Variants in CDK10 observed in about 807,000 individuals in gnomAD.
CDK10 encodes cyclin dependent kinase 10, also known as cyclin-dependent kinase 10.
CDK10 carries 55 observed loss-of-function variants against 51.0 expected under a neutral mutation model. That is an observed-to-expected ratio of 1.08 (90% CI 0.87 to 1.35). The LOEUF is 1.35. Ranked by LOEUF, CDK10 falls within the 40% of genes most tolerant of loss-of-function variation. CDK10 has a pLI of 0.00. For synonymous variants in CDK10, 255 were observed against 199.1 expected, an observed-to-expected ratio of 1.28 and a Z score of -2.36; for missense variants, 589 against 485.1, an observed-to-expected ratio of 1.21 and a Z score of -2.01.
In CDK10 at chr16:89,694,047, C is replaced by T. The variant is rs2060578508; in HGVS notation, c.609-126C>T. The T allele has an allele frequency of 1.4e-5, 12 of 881,458 alleles. No homozygotes were observed. The East Asian group carries it at 3.1e-4, about 22-fold the overall frequency. The allele number at this position is 881,458 out of a possible 1,614,324, so 54.6% of individuals were successfully genotyped here. A position where few individuals can be genotyped will look rare whatever the true frequency, so the allele number is the denominator to read the frequency against. On this transcript the variant is annotated intron_variant, in intron 8 of 12. Coordinates refer to ENST00000353379, the MANE Select transcript of CDK10 (RefSeq NM_052988.5). ...CCACCTGGATCTGCAGGGCCTGGGGCAGAGGGTGGTCCGAGTTGGGACAGG... is the reference window on the plus strand; with the variant it reads ...CCACCTGGATCTGCAGGGCCTGGGGTAGAGGGTGGTCCGAGTTGGGACAGG...
At chr16:89,691,647 G>T in intron 4 of CDK10, 102 bp downstream of exon 4, 1 of 1,242,974 alleles carries the variant, frequency 8.0e-7, no homozygotes, top group Non-Finnish European at 1.2e-6. Context: ...GCATGAGGTT[G>T]TCAGAGAAGA....
chr16:89,694,357 C>T, intron 9 of CDK10, 125 bp downstream of exon 9: 1 of 1,062,992 alleles, frequency 9.4e-7, no homozygotes, highest in Non-Finnish European at 1.4e-6. Context: ...GCCAGCCTCC[C>T]ACTCCCAGGG....
chr16:89,689,243 C>T lies in CDK10; in HGVS notation c.88-9C>T. 3 of 1,613,982 alleles carry T rather than the reference C, an allele frequency of 1.9e-6. No homozygotes were observed. Among genetic ancestry groups the T allele is most frequent in the Non-Finnish European group, 2.5e-6 (3 of 1,179,872 alleles). ...AAATTTCCACACTGGCAACACCCTT[C>T]TGTTTCAGCTGGGACGATGCCGGAG... On this transcript the variant is annotated splice_polypyrimidine_tract_variant and intron_variant, in intron 1 of 12. Transcript: ENST00000353379.
chr16:89,695,840 G>C lies in CDK10; in HGVS notation c.*148G>C, dbSNP rs932580601. 28 of 1,522,494 alleles carry C rather than the reference G, an allele frequency of 1.8e-5. No individual in the cohort carries two copies. Among genetic ancestry groups the C allele is most frequent in the African/African-American group, 2.7e-5 (2 of 72,836 alleles). The allele number at this position is 1,522,494 out of a possible 1,614,324, so 94.3% of individuals were successfully genotyped here. ...CATCCTCCACTGACTTCCTCCCACT[G>C]TCTGCCCTGAACCCACTGCTGCCCC... On this transcript the variant is annotated 3_prime_UTR_variant, in exon 13 of 13. Transcript: ENST00000353379.
In CDK10 at chr16:89,695,044, C is replaced by A. The variant is rs751239290; in HGVS notation, c.906C>A (p.Phe302Leu). The A allele has an allele frequency of 1.2e-6, 2 of 1,613,172 alleles. No homozygotes were observed. The highest frequency in any genetic ancestry group is 2.2e-5 in the South Asian group (2 of 91,068). ...AGGCCGGGCTGCGCCTGCTGCACTT[C>A]CTGTTCATGTACGACCCTAAGAAAA... ...LSEAGLRLLH[F>L]LFMYDPKKRA... is the part of the protein sequence containing the mutation. The change falls in exon 11 of 13, where the codon TTC becomes TTA. Residue 302 changes from phenylalanine (F) to leucine (L), a missense_variant. Coordinates refer to ENST00000353379, the MANE Select transcript of CDK10 (RefSeq NM_052988.5).
chr16:89,689,567 A>C (rs564341471), intron 2 of CDK10: 1 of 495,590 alleles, frequency 2.0e-6, no homozygotes, highest in South Asian at 2.5e-5. Context: ...ACTGCAGAGT[A>C]CACAGAACTG....
At chr16:89,694,001 C>G in intron 8 of CDK10, 172 bp from the exon 9 acceptor site, 1 of 665,780 alleles carries the variant, frequency 1.5e-6, no homozygotes. Flanking sequence ...CTCTCGCCCC[C>G]GGCAACCATT....
chr16:89,691,742 G>C (rs2060459398), intron 4 of CDK10, 64 bp from the exon 5 acceptor site: 1 of 1,492,544 alleles, frequency 6.7e-7, no homozygotes, highest in African/African-American at 1.4e-5. Context: ...TGCAGCAGGG[G>C]AGGCTCCACT....
Position 89,695,086 on chromosome 16 carries a change from CG to C in CDK10, c.932+22del, listed in dbSNP as rs531781901. On this transcript the variant is annotated intron_variant, in intron 11 of 12. Transcript: ENST00000353379. Reference sequence around the variant, plus strand: ...CTAAGAAAAGGTGCTGATCTCTGCACGGGGGGCAGGGACCCTCACCACCCAC... The same window carrying C: ...CTAAGAAAAGGTGCTGATCTCTGCACGGGGGCAGGGACCCTCACCACCCAC... 1 of 1,607,456 alleles carries C rather than the reference CG, an allele frequency of 6.2e-7. No individual in the cohort carries two copies. The highest frequency in any genetic ancestry group is 2.2e-5 in the East Asian group (1 of 44,828).
chr16:89,695,012 C>G lies in CDK10; in HGVS notation c.874C>G (p.Leu292Val). 1 of 1,613,386 alleles carries G rather than the reference C, an allele frequency of 6.2e-7. No homozygotes were observed. The highest frequency in any genetic ancestry group is 1.1e-5 in the South Asian group (1 of 91,092). ...YNNLKHKFPW[L>V]SEAGLRLLHF... ...CAACCTGAAGCACAAGTTCCCATGG[C>G]TGTCGGAGGCCGGGCTGCGCCTGCT... is the stretch of plus-strand genomic sequence containing the variant. The change falls in exon 11 of 13, where the codon CTG becomes GTG. Residue 292 changes from leucine to valine, a missense_variant. Leu to Val is a conservative substitution (Grantham distance 32). Transcript: ENST00000353379.
At chr16:89,695,183 G>T (rs2235129) in intron 11 of CDK10, 110 bp from the exon 12 acceptor site, 1 of 1,538,060 alleles carries the variant, frequency 6.5e-7, no homozygotes, top group Non-Finnish European at 8.8e-7. Context: ...ACAGCCGCTC[G>T]GAGTGGCCAC....
At position 89,696,250 on chromosome 16, in the gene CDK10, C is replaced by T; in HGVS notation, c.*558C>T. The T allele has an allele frequency of 4.1e-6, 1 of 244,586 alleles. No individual in the cohort carries two copies. The highest frequency in any genetic ancestry group is 8.1e-6 in the Non-Finnish European group (1 of 123,904). The allele number at this position is 244,586 out of a possible 1,614,324, so 15.2% of individuals were successfully genotyped here. ...TACCAGGAGAGCCCTGGGCTGGAGG[C>T]TGAGCTGCATCCCTGCTCCCCACAT... On this transcript the variant is annotated 3_prime_UTR_variant, in exon 13 of 13. Transcript: ENST00000353379.
At chr16:89,692,647 G>T (rs575904102) in intron 6 of CDK10, 131 bp downstream of exon 6, 1 of 574,580 alleles carries the variant, frequency 1.7e-6, no homozygotes, top group East Asian at 3.3e-5. Flanking sequence ...CTCCATTTGT[G>T]TTTTTTTCTA....
At chr16:89,687,524 G>C (rs1182883518) in intron 1 of CDK10, 1 of 456,170 alleles carries the variant, frequency 2.2e-6, no homozygotes. Context: ...GTTGAGAGCC[G>C]TGTGCTGGAC....
Position 89,696,025 on chromosome 16 carries a change from C to T in CDK10, c.*333C>T, listed in dbSNP as rs2060706410. On this transcript the variant is annotated 3_prime_UTR_variant, in exon 13 of 13. Coordinates refer to ENST00000353379, the MANE Select transcript of CDK10 (RefSeq NM_052988.5). ...CTTGGGAGGAGTGGTGGGTGCAGTC[C>T]CCCCGCTGTCTTTGAGTTGTGGTGG... The T allele has an allele frequency of 3.4e-6, 2 of 589,100 alleles. No individual in the cohort carries two copies. Among genetic ancestry groups the T allele is most frequent in the South Asian group, 2.0e-5 (1 of 50,542 alleles). 36.5% of individuals were successfully genotyped at this position (589,100 alleles called of 1,614,324 possible).
intron 1 of CDK10, among the ~76,000 whole-genome samples, chr16:89,688,427 G>C (rs1210368753): frequency 6.6e-6 from 1 of 152,146 alleles, no homozygotes; most frequent in African/African-American, 2.4e-5. Context: ...GACTCTACTA[G>C]TTCAGAGACC....
chr16:89,687,005 G>T (rs1255951876), intron 1 of CDK10: 2 of 492,748 alleles, frequency 4.1e-6, no homozygotes, highest in South Asian at 3.0e-5. Flanking sequence ...CTGAGGGGCC[G>T]GGGCGGGCTC....
intron 8 of CDK10, chr16:89,693,845 G>A (rs2060567422): frequency 3.6e-6 from 2 of 553,146 alleles, no homozygotes; most frequent in Non-Finnish European, 3.3e-6. Flanking sequence ...GCTTAGCCAG[G>A]GCTGAATATC....
chr16:89,694,585 G>C, intron 9 of CDK10, 80 bp from the exon 10 acceptor site: 2 of 1,541,076 alleles, frequency 1.3e-6, no homozygotes, highest in South Asian at 2.4e-5. Flanking sequence ...CAAAGGTCTG[G>C]CTGCAGTCAG....
Sources: gnomAD v4.1 joint callset for allele counts (sites outside exome capture counted in the v4.1 genomes callset) on GRCh38, gnomAD v4.1.1 for gene constraint, MANE v1.5 for transcripts, NCBI Gene and HGNC (gene_info 2026-07-23, HGNC 2026-07-21) for gene names.